FAM53B: variants seen among roughly 807,000 people sequenced by gnomAD.
The protein encoded by FAM53B is protein FAM53B.
FAM53B carries 12 observed loss-of-function variants against 32.7 expected under a neutral mutation model. That is an observed-to-expected ratio of 0.37 (90% CI 0.24 to 0.59). The LOEUF (loss-of-function observed/expected upper bound fraction) is 0.59. Ranked by LOEUF, FAM53B falls within the 20% of genes least tolerant of loss-of-function variation. FAM53B has a pLI of 0.72. For synonymous variants in FAM53B, 234 were observed against 228.7 expected (o/e 1.02, Z -0.21); for missense variants, 477 against 577.7 (o/e 0.83, Z 1.79).
chr10:124,700,690 C>T (rs1949909898), intron 2 of FAM53B, among the ~76,000 whole-genome samples: 1 of 152,236 alleles, frequency 6.6e-6, no homozygotes, highest in Admixed American at 6.5e-5. Flanking sequence ...AATAAAGACA[C>T]AATTAAGGCT....
At chr10:124,696,709 G>C (rs1395577187) in intron 2 of FAM53B, among the ~76,000 whole-genome samples, 2 of 152,134 alleles carry the variant, frequency 1.3e-5, no homozygotes, top group Non-Finnish European at 2.9e-5. Flanking sequence ...GAAGCATGGG[G>C]AGAGCTCGGA....
chr10:124,647,127 C>T (rs938952735), intron 4 of FAM53B, among the ~76,000 whole-genome samples: 5 of 152,184 alleles, frequency 3.3e-5, no homozygotes, highest in African/African-American at 9.7e-5. Context: ...GCATCGGGGC[C>T]GCATGTGCTG....
At chr10:124,736,740 T>C (rs550623659) in intron 1 of FAM53B, among the ~76,000 whole-genome samples, 1 of 152,332 alleles carries the variant, frequency 6.6e-6, no homozygotes, top group South Asian at 2.1e-4. Flanking sequence ...CCGCCTCTCC[T>C]GCACAAGGCA....
chr10:124,665,635 G>C (rs1476031116), intron 4 of FAM53B, among the ~76,000 whole-genome samples: 2 of 152,232 alleles, frequency 1.3e-5, no homozygotes, highest in African/African-American at 4.8e-5. Flanking sequence ...CTAGATGGGT[G>C]AGAAAACCAA....
chr10:124,652,469 G>A (rs1949562397), intron 4 of FAM53B, among the ~76,000 whole-genome samples: 1 of 152,178 alleles, frequency 6.6e-6, no homozygotes, highest in Non-Finnish European at 1.5e-5. Flanking sequence ...GCCCACAGCT[G>A]CACTCACATC....
intron 3 of FAM53B, among the ~76,000 whole-genome samples, chr10:124,688,577 C>T (rs1027870370): frequency 6.6e-6 from 1 of 152,174 alleles, no homozygotes; most frequent in Non-Finnish European, 1.5e-5. Flanking sequence ...GATGACTGAG[C>T]TTGCAGTTTC....
At chr10:124,738,082 A>G (rs1213731465) in intron 1 of FAM53B, among the ~76,000 whole-genome samples, 1 of 131,300 alleles carries the variant, frequency 7.6e-6, no homozygotes, top group African/African-American at 3.0e-5. Flanking sequence ...TGCCCTTCAG[A>G]TGCCACTTCA....
Position 124,623,477 on chromosome 10 carries a change from G to A in FAM53B, c.1034C>T (p.Pro345Leu). 3 of 1,586,508 alleles carry A rather than the reference G, an allele frequency of 1.9e-6. No individual in the cohort carries two copies. The South Asian group carries it at 3.4e-5, about 18-fold the overall frequency. The part of the protein sequence containing the change: ...AWTALLSASG[P>L]GGRTPAGTPV... The stretch of plus-strand genomic sequence containing the variant: ...GGTCCCAGCGGGGGTCCTGCCCCCT[G>A]GGCCGGAGGCTGAGAGCAGGGCGGT... The change falls in exon 5 of 5, where the codon CCA becomes CTA. Residue 345 changes from proline to leucine, a missense_variant. Transcript: ENST00000337318.
At chr10:124,644,479 T>TA (rs1157692618) in intron 4 of FAM53B, among the ~76,000 whole-genome samples, 1 of 152,168 alleles carries the variant, frequency 6.6e-6, no homozygotes, top group East Asian at 1.9e-4. Flanking sequence ...GCTCCTAGCC[T>TA]AGAAATGAAG....
chr10:124,682,217 C>T lies in FAM53B; in HGVS notation c.296G>A (p.Ser99Asn), dbSNP rs944927313. The T allele has an allele frequency of 1.2e-6, 2 of 1,613,984 alleles. No homozygotes were observed. Among genetic ancestry groups the T allele is most frequent in the Non-Finnish European group, 1.7e-6 (2 of 1,179,992 alleles). ...TGCTGAGGGGTTCCCGTTGTGGTCG[C>T]TGATGCTGAGGTCTTTGATCAGACT... is the stretch of plus-strand genomic sequence containing the variant. ...VTSLIKDLSISDHNGNPSAPP... is the reference protein window; with the variant it reads ...VTSLIKDLSINDHNGNPSAPP... Residue 99 changes from serine (S) to asparagine (N), a missense_variant, in exon 4 of 5, where the codon AGC becomes AAC. Around this residue, in one of 2 missense-constraint regions of FAM53B, gnomAD observed 312 missense variants for 420.2 expected, o/e 0.74. Coordinates refer to ENST00000337318, the MANE Select transcript of FAM53B (RefSeq NM_014661.4). This position sits in a 1 kb window ranked among gnomAD's most constrained non-coding sequence, Gnocchi z 5.2.
intron 1 of FAM53B, among the ~76,000 whole-genome samples, chr10:124,740,763 G>A (rs1950194992): frequency 6.6e-6 from 1 of 152,220 alleles, no homozygotes; most frequent in African/African-American, 2.4e-5. Context: ...AAGGAGTTGA[G>A]GGAGAACAAT....
chr10:124,717,714 A>G (rs1042312176), intron 1 of FAM53B, among the ~76,000 whole-genome samples: 2 of 152,148 alleles, frequency 1.3e-5, no homozygotes, highest in African/African-American at 4.8e-5. Flanking sequence ...TCCAAGCTCA[A>G]TCCTTATGCA....
Position 124,681,704 on chromosome 10 carries a change from G to A in FAM53B, c.809C>T (p.Pro270Leu). The A allele has an allele frequency of 1.9e-6, 3 of 1,610,836 alleles. No individual in the cohort carries two copies. The highest frequency in any genetic ancestry group is 1.7e-6 in the Non-Finnish European group (2 of 1,178,654). ...GACCTTCTTGTCGTTAAGGACACAC[G>A]GCTGGGAGCGGCTGCGGGAAAGGCC... ...SSGLSRSRSQPCVLNDKKVGV... is the reference protein window; with the variant it reads ...SSGLSRSRSQLCVLNDKKVGV... Residue 270 changes from proline (P) to leucine (L), a missense_variant, in exon 4 of 5, where the codon CCG (proline) becomes CTG (leucine). Pro to Leu is a moderately conservative substitution (Grantham distance 98, BLOSUM62 -3). Transcript: ENST00000337318.
intron 4 of FAM53B, among the ~76,000 whole-genome samples, chr10:124,647,906 G>A (rs1369527150): frequency 1.3e-5 from 2 of 152,190 alleles, no homozygotes; most frequent in Non-Finnish European, 2.9e-5. Flanking sequence ...GCATGAAGCA[G>A]GTCAGTAGCC....
intron 2 of FAM53B, among the ~76,000 whole-genome samples, chr10:124,706,318 A>C (rs568516956): frequency 6.6e-6 from 1 of 152,196 alleles, no homozygotes; most frequent in South Asian, 2.1e-4. Context: ...ACCCCCCCTT[A>C]ATGGGTGGAG....
At chr10:124,700,509 G>A (rs922375483) in intron 2 of FAM53B, among the ~76,000 whole-genome samples, 3 of 152,140 alleles carry the variant, frequency 2.0e-5, no homozygotes, top group South Asian at 4.2e-4. Context: ...TTCTCCCACC[G>A]TGAAGCCTCT....
intron 1 of FAM53B, among the ~76,000 whole-genome samples, chr10:124,716,911 A>G (rs1310792790): frequency 1.3e-5 from 2 of 152,164 alleles, no homozygotes; most frequent in African/African-American, 4.8e-5. Flanking sequence ...GCGGGCCCCA[A>G]AGATAATCTA....
At chr10:124,683,301 T>A (rs925877545) in intron 3 of FAM53B, among the ~76,000 whole-genome samples, 3 of 152,198 alleles carry the variant, frequency 2.0e-5, no homozygotes, top group Non-Finnish European at 4.4e-5. Context: ...AAATTTGACA[T>A]AGTTCTTGTA....
chr10:124,733,452 C>T lies in FAM53B; in HGVS notation c.-175+10561G>A, dbSNP rs937771064. The stretch of plus-strand genomic sequence containing the variant: ...GAACACTAGTGAGAACAGGCTATGA[C>T]AGAGCCCAGGGGGCACCGAAGCTCC... On this transcript the variant is annotated intron_variant, in intron 1 of 4. Coordinates refer to ENST00000337318, the MANE Select transcript of FAM53B (RefSeq NM_014661.4). This position sits in a 1 kb window ranked among gnomAD's most constrained non-coding sequence, Gnocchi z 4.3. Among the ~76,000 whole-genome samples the T allele has an allele frequency of 2.6e-5, 4 of 152,198 alleles. No individual in the cohort carries two copies. The highest frequency in any genetic ancestry group is 9.6e-5 in the African/African-American group (4 of 41,452).
Sources: allele counts gnomAD v4.1 joint callset (sites outside exome capture counted in the v4.1 genomes callset), GRCh38; gene constraint gnomAD v4.1.1; regional missense constraint gnomAD v4.1.1; non-coding constraint Gnocchi (gnomAD v3.1); transcripts MANE v1.5; gene names NCBI Gene and HGNC (gene_info 2026-07-23, HGNC 2026-07-21).